The following DLG1 variants were observed in gnomAD, a reference collection of about 807,000 sequenced individuals.
DLG1 encodes discs large MAGUK scaffold protein 1.
In DLG1, 42 loss-of-function variants were observed where a neutral mutation model predicts 123.4. That is an observed-to-expected ratio of 0.34 (90% CI 0.27 to 0.44). The LOEUF is 0.44. Among genes scored for constraint, DLG1 ranks in the 20% least tolerant of loss-of-function variants. DLG1 has a pLI of 1.00. For synonymous variants in DLG1, 317 were observed against 356.2 expected (o/e 0.89, Z 1.24); for missense variants, 942 against 1,082.6 (o/e 0.87, Z 1.82).
At chr3:197,290,484 A>G (rs1354782365) in intron 3 of DLG1, among the ~76,000 whole-genome samples, 1 of 152,184 alleles carries the variant, frequency 6.6e-6, no homozygotes, top group African/African-American at 2.4e-5. Flanking sequence ...AATCAAAATC[A>G]GTATCATCAA....
chr3:197,291,352 G>C (rs1430818838), intron 3 of DLG1, among the ~76,000 whole-genome samples: 2 of 149,330 alleles, frequency 1.3e-5, no homozygotes, highest in Admixed American at 1.3e-4. Flanking sequence ...GTTAGCAAGA[G>C]ACTAAAATGT....
chr3:197,216,620 CA>C (rs764960661), intron 4 of DLG1, among the ~76,000 whole-genome samples: 3 of 152,130 alleles, frequency 2.0e-5, no homozygotes, highest in African/African-American at 4.8e-5. Flanking sequence ...GTGGGCTGGT[CA>C]CATAGGCACC....
intron 23 of DLG1, among the ~76,000 whole-genome samples, chr3:197,053,547 G>A (rs1195968786): frequency 4.6e-5 from 7 of 152,000 alleles, no homozygotes; most frequent in Non-Finnish European, 7.4e-5. Flanking sequence ...CGAGGCAGGC[G>A]GATCACCTGA....
chr3:197,207,731 ATAAAGTTT>A, intron 4 of DLG1, among the ~76,000 whole-genome samples: 1 of 115,932 alleles, frequency 8.6e-6, no homozygotes, highest in Non-Finnish European at 2.1e-5. Flanking sequence ...ACTATTTTTA[ATAAAGTTT>A]ATATCTTCAA....
intron 4 of DLG1, among the ~76,000 whole-genome samples, chr3:197,277,530 G>A (rs1001070292): frequency 1.6e-4 from 24 of 151,944 alleles, no homozygotes; most frequent in Admixed American, 2.6e-4. Context: ...TAGTAGAGGC[G>A]GGGTTTTGCC....
intron 24 of DLG1, among the ~76,000 whole-genome samples, chr3:197,046,861 C>A (rs186149036): frequency 2.4e-4 from 36 of 151,668 alleles, no homozygotes; most frequent in Non-Finnish European, 4.1e-4. Context: ...CAGAGTGAGA[C>A]CCTGGCTCAA....
chr3:197,082,108 AC>A (rs1751491983), intron 16 of DLG1, among the ~76,000 whole-genome samples: 1 of 152,122 alleles, frequency 6.6e-6, no homozygotes, highest in African/African-American at 2.4e-5. Context: ...GCAGTGGCTC[AC>A]GCCTGTAATC....
chr3:197,254,072 C>A (rs778354259), intron 4 of DLG1, among the ~76,000 whole-genome samples: 1 of 152,152 alleles, frequency 6.6e-6, no homozygotes, highest in Non-Finnish European at 1.5e-5. Flanking sequence ...GGACCTGATA[C>A]AGATTGAGTG....
chr3:197,292,427 A>C (rs1775392389), intron 3 of DLG1, among the ~76,000 whole-genome samples: 1 of 152,218 alleles, frequency 6.6e-6, no homozygotes, highest in African/African-American at 2.4e-5. Flanking sequence ...AGAAAGCAGC[A>C]CGTTGGTCAC....
intron 13 of DLG1, among the ~76,000 whole-genome samples, chr3:197,113,669 T>C (rs2149383329): frequency 6.6e-6 from 1 of 152,230 alleles, no homozygotes; most frequent in Admixed American, 6.5e-5. Flanking sequence ...TATAGTTTGG[T>C]CTTGCTTTTT....
At chr3:197,251,880 C>T (rs1006044525) in intron 4 of DLG1, among the ~76,000 whole-genome samples, 3 of 152,156 alleles carry the variant, frequency 2.0e-5, no homozygotes, top group African/African-American at 7.2e-5. Flanking sequence ...ATGATCTGAA[C>T]AGACATTTCT....
intron 5 of DLG1, among the ~76,000 whole-genome samples, chr3:197,191,324 T>A (rs781357986): frequency 1.1e-4 from 17 of 152,166 alleles, no homozygotes; most frequent in South Asian, 2.1e-4. Context: ...CAAAATCTTG[T>A]GTCTGGAACA....
chr3:197,182,144 A>ATATAT (rs200400367), intron 5 of DLG1, among the ~76,000 whole-genome samples: 3 of 150,574 alleles, frequency 2.0e-5, no homozygotes, highest in Non-Finnish European at 4.4e-5. Context: ...TATATATATA[A>ATATAT]AAAGTTCTAA....
At chr3:197,118,122 A>G (rs934793288) in intron 12 of DLG1, among the ~76,000 whole-genome samples, 2 of 152,192 alleles carry the variant, frequency 1.3e-5, no homozygotes, top group African/African-American at 4.8e-5. Flanking sequence ...TAAAAGTCCA[A>G]TGCAATATTC....
intron 8 of DLG1, among the ~76,000 whole-genome samples, chr3:197,139,676 T>G (rs183240734): frequency 1.3e-5 from 2 of 152,320 alleles, no homozygotes; most frequent in African/African-American, 4.8e-5. Flanking sequence ...GGTGTGGGAT[T>G]CAACATGGAT....
intron 16 of DLG1, among the ~76,000 whole-genome samples, chr3:197,082,631 CTA>C (rs1465049634): frequency 6.6e-6 from 1 of 151,896 alleles, no homozygotes; most frequent in Non-Finnish European, 1.5e-5. Flanking sequence ...ATTACAATTC[CTA>C]TGTTATTTTA....
intron 5 of DLG1, among the ~76,000 whole-genome samples, chr3:197,154,462 T>C (rs1795419389): frequency 6.6e-6 from 1 of 151,928 alleles, no homozygotes; most frequent in African/African-American, 2.4e-5. Context: ...GATCACTAGG[T>C]CAGGAGATCG....
At chr3:197,140,103 G>C in intron 8 of DLG1, 37 bp downstream of exon 8, 1 of 1,595,358 alleles carries the variant, frequency 6.3e-7, no homozygotes, top group Non-Finnish European at 8.6e-7. Flanking sequence ...AATACACAAA[G>C]TGGATTCAGC....
rs36055840 is a variant in DLG1, at chr3:197,283,859, G to GTT, written c.152-1016_152-1015dup. Among the ~76,000 whole-genome samples, 163 of 104,862 alleles carry GTT rather than the reference G, an allele frequency of 1.6e-3. 2 individuals carry two copies. The highest frequency in any genetic ancestry group is 3.1e-3 in the Admixed American group (30 of 9,660). The allele number at this position is 104,862 out of a possible 152,430, so 68.8% of individuals were successfully genotyped here. A position where few individuals can be genotyped will look rare whatever the true frequency, so the allele number is the denominator to read the frequency against. On this transcript the variant is annotated intron_variant, in intron 3 of 24. Transcript: ENST00000667157. Reference sequence around the variant, plus strand: ...ACTTAACTCCCTTTTCAGTTGGGTTGTTTTTTTTTTTTTTTTTTTTGAGAC... The same window carrying GTT: ...ACTTAACTCCCTTTTCAGTTGGGTTGTTTTTTTTTTTTTTTTTTTTTTGAGAC...
Sources: allele counts gnomAD v4.1 joint callset (sites outside exome capture counted in the v4.1 genomes callset), GRCh38; gene constraint gnomAD v4.1.1; transcripts MANE v1.5; gene names NCBI Gene and HGNC (gene_info 2026-07-23, HGNC 2026-07-21).